Variants in CFAP20DC observed in about 807,000 individuals in gnomAD.
The protein encoded by CFAP20DC is protein CFAP20DC.
CFAP20DC carries 84 observed loss-of-function variants against 101.7 expected under a neutral mutation model. The observed-to-expected ratio is 0.83, with a 90% CI of 0.69 to 0.99. CFAP20DC has a LOEUF of 0.99. CFAP20DC is among the 50% of genes least tolerant of loss of function. The pLI is 0.00. For synonymous variants in CFAP20DC, 359 were observed against 351.2 expected (o/e 1.02, Z -0.25); for missense variants, 1,007 against 970.3 (o/e 1.04, Z -0.50).
At chr3:58,741,985 G>T, downstream of CFAP20DC, 1 of 716,522 alleles carries the variant, frequency 1.4e-6, no homozygotes, top group Non-Finnish European at 1.7e-6. Context: ...TGGGGTGAAT[G>T]AAAAGAAGCA....
chr3:58,909,493 A>C lies in CFAP20DC; in HGVS notation c.550+4215T>G, dbSNP rs1335343004. Among the ~76,000 whole-genome samples the C allele has an allele frequency of 2.0e-5, 3 of 152,242 alleles. No individual in the cohort carries two copies. In the East Asian group the frequency reaches 5.8e-4, roughly 29 times the overall value. Reference sequence around the variant, plus strand: ...TTCTAAATCCTCCATTAGCACTACAACACCACAATCAATTTTATTCTTCAT... The same window carrying C: ...TTCTAAATCCTCCATTAGCACTACACCACCACAATCAATTTTATTCTTCAT... On this transcript the variant is annotated intron_variant, in intron 6 of 16. Coordinates refer to ENST00000482387, the MANE Select transcript of CFAP20DC (RefSeq NM_001394063.1).
At chr3:58,936,282 T>G (rs1364725624) in intron 5 of CFAP20DC, among the ~76,000 whole-genome samples, 2 of 152,138 alleles carry the variant, frequency 1.3e-5, no homozygotes, top group African/African-American at 4.8e-5. Context: ...CAACAGGTGC[T>G]GGAGAGGATG....
chr3:58,898,874 T>C (rs749274393), intron 6 of CFAP20DC, among the ~76,000 whole-genome samples: 1 of 151,990 alleles, frequency 6.6e-6, no homozygotes, highest in Non-Finnish European at 1.5e-5. Context: ...TTTTGTGGGG[T>C]CCTTTTTGTT....
chr3:58,771,374 A>G (rs1000866028), intron 15 of CFAP20DC, among the ~76,000 whole-genome samples: 1 of 152,144 alleles, frequency 6.6e-6, no homozygotes, highest in African/African-American at 2.4e-5. Flanking sequence ...TATTCTGCAC[A>G]TGTAACCCAG....
chr3:58,910,079 C>A (rs1056206130), intron 6 of CFAP20DC, among the ~76,000 whole-genome samples: 3 of 152,172 alleles, frequency 2.0e-5, no homozygotes, highest in Non-Finnish European at 4.4e-5. Context: ...CCTTTTATGG[C>A]TGCATAGTAT....
chr3:58,975,967 GCTTCT>G (rs1205483168), intron 4 of CFAP20DC, among the ~76,000 whole-genome samples: 4 of 152,244 alleles, frequency 2.6e-5, no homozygotes, highest in African/African-American at 9.6e-5. Context: ...ACACCGAAGT[GCTTCT>G]CTTATCTCCT....
At position 58,859,048 on chromosome 3, in the gene CFAP20DC, A is replaced by G. The variant is rs973678235; in HGVS notation, c.1593+4510T>C. On this transcript the variant is annotated intron_variant, in intron 12 of 16. Transcript: ENST00000482387. This position sits in a 1 kb window ranked among gnomAD's most constrained non-coding sequence, Gnocchi z 4.1. ...TGCTTCTACTTGAATTTTGTAGCAA[A>G]TGATGAAAGTAATACAATTTCCTCT... 1.3e-5 allele frequency among the ~76,000 whole-genome samples: 2 copies of G among 151,738 alleles called. No homozygotes were observed. Among genetic ancestry groups the G allele is most frequent in the Non-Finnish European group, 2.9e-5 (2 of 67,990 alleles).
intron 4 of CFAP20DC, among the ~76,000 whole-genome samples, chr3:58,990,722 ATTTCAGAT>A (rs1267875579): frequency 4.6e-5 from 7 of 150,628 alleles, no homozygotes; most frequent in African/African-American, 1.7e-4. Flanking sequence ...AGCATTTTGA[ATTTCAGAT>A]TTTCAGATTT....
rs1484330342 is a variant in CFAP20DC at position 58,868,959 on chromosome 3, A to C, written c.1015+369T>G. On this transcript the variant is annotated intron_variant, in intron 9 of 16. Transcript: ENST00000482387. The surrounding 1 kb of genome is among the most constrained non-coding windows in gnomAD (Gnocchi z 4.6). The stretch of plus-strand genomic sequence containing the variant: ...TTTTGTTGTTGGATCAGTGAGAGAA[A>C]AGAAAGAGTACCTTACAAATGGAAG... Among the ~76,000 whole-genome samples the C allele has an allele frequency of 6.6e-6, 1 of 152,214 alleles. No homozygotes were observed. Among genetic ancestry groups the C allele is most frequent in the Non-Finnish European group, 1.5e-5 (1 of 68,024 alleles).
intron 2 of CFAP20DC, among the ~76,000 whole-genome samples, chr3:59,046,620 T>C (rs541666074): frequency 6.6e-6 from 1 of 152,018 alleles, no homozygotes; most frequent in East Asian, 1.9e-4. Flanking sequence ...ATAAATTAAT[T>C]AAATCAATAA....
At chr3:59,005,181 C>CT (rs1360498030) in intron 4 of CFAP20DC, among the ~76,000 whole-genome samples, 1 of 152,114 alleles carries the variant, frequency 6.6e-6, no homozygotes, top group Non-Finnish European at 1.5e-5. Context: ...AGTTGTGTCT[C>CT]TACCAATGCC....
At chr3:59,019,477 G>A (rs958957564) in intron 4 of CFAP20DC, among the ~76,000 whole-genome samples, 1 of 151,870 alleles carries the variant, frequency 6.6e-6, no homozygotes, top group Non-Finnish European at 1.5e-5. Flanking sequence ...AGACTATGCA[G>A]CCCTAGATTA....
At chr3:58,751,929 A>G (rs926001506) in intron 16 of CFAP20DC, among the ~76,000 whole-genome samples, 7 of 152,090 alleles carry the variant, frequency 4.6e-5, no homozygotes, top group Non-Finnish European at 1.0e-4. Context: ...GGCATAAAGT[A>G]AGTGCTAAAT....
At chr3:58,804,253 T>C (rs1000663319) in intron 15 of CFAP20DC, among the ~76,000 whole-genome samples, 1 of 152,198 alleles carries the variant, frequency 6.6e-6, no homozygotes, top group Non-Finnish European at 1.5e-5. Context: ...TATACTATGT[T>C]ATAGAATTAG....
chr3:58,811,926 T>G (rs1021756476), intron 14 of CFAP20DC, among the ~76,000 whole-genome samples: 1 of 152,130 alleles, frequency 6.6e-6, no homozygotes, highest in African/African-American at 2.4e-5. Context: ...AAAAGAGACA[T>G]TTATGCAGCC....
intron 6 of CFAP20DC, among the ~76,000 whole-genome samples, chr3:58,896,004 A>T (rs2082642579): frequency 6.6e-6 from 1 of 152,176 alleles, no homozygotes; most frequent in Non-Finnish European, 1.5e-5. Context: ...ATCCCACAAC[A>T]TGTGGGAATT....
Position 58,937,774 on chromosome 3 carries a change from G to A in CFAP20DC, c.279-12C>T, listed in dbSNP as rs756381323. On this transcript the variant is annotated splice_polypyrimidine_tract_variant and intron_variant, in intron 4 of 16. Coordinates refer to ENST00000482387, the MANE Select transcript of CFAP20DC (RefSeq NM_001394063.1). ...CTAAATCAGTAATTCTGAAAACATG[G>A]AGGAGAGAAGACAGAAAGATTCCCA... 8 of 1,373,798 alleles carry A rather than the reference G, an allele frequency of 5.8e-6. No individual in the cohort carries two copies. Among genetic ancestry groups the A allele is most frequent in the South Asian group, 3.5e-5 (3 of 85,070 alleles). The allele number at this position is 1,373,798 out of a possible 1,614,324, so 85.1% of individuals were successfully genotyped here.
chr3:58,762,130 A>G (rs987863069), intron 15 of CFAP20DC, among the ~76,000 whole-genome samples: 7 of 152,190 alleles, frequency 4.6e-5, no homozygotes, highest in Non-Finnish European at 7.3e-5. Flanking sequence ...TAATGTTGAC[A>G]GTGGGGTGTT....
At chr3:58,809,768 G>A (rs2074445572) in intron 14 of CFAP20DC, among the ~76,000 whole-genome samples, 1 of 152,054 alleles carries the variant, frequency 6.6e-6, no homozygotes, top group African/African-American at 2.4e-5. Context: ...CCAGGAGCTG[G>A]TTTTTTGAAA....
Sources: gnomAD v4.1 joint callset for allele counts (sites outside exome capture counted in the v4.1 genomes callset) on GRCh38, gnomAD v4.1.1 for gene constraint, Gnocchi (gnomAD v3.1) non-coding constraint, MANE v1.5 for transcripts, NCBI Gene and HGNC (gene_info 2026-07-23, HGNC 2026-07-21) for gene names.